NEDD4L: variants seen among roughly 807,000 people sequenced by gnomAD.
The protein encoded by NEDD4L is NEDD4 like E3 ubiquitin protein ligase.
A neutral mutation model predicts 148.9 loss-of-function variants in NEDD4L; 54 were observed. That is an observed-to-expected ratio of 0.36 (90% CI 0.29 to 0.45). The LOEUF is 0.45. NEDD4L is among the 20% of genes least tolerant of loss of function. NEDD4L has a pLI of 1.00. For missense variants in NEDD4L, 856 were observed against 1,233.8 expected (o/e 0.69, Z 4.59); for synonymous variants, 433 against 440.7 (o/e 0.98, Z 0.22).
intron 1 of NEDD4L, among the ~76,000 whole-genome samples, chr18:58,053,023 A>G (rs1326279077): frequency 6.6e-6 from 1 of 152,198 alleles, no homozygotes; most frequent in Non-Finnish European, 1.5e-5. Context: ...AAAGGCTTGT[A>G]AGGATGGTGG....
intron 2 of NEDD4L, among the ~76,000 whole-genome samples, chr18:58,197,242 G>A (rs773571595): frequency 6.6e-6 from 1 of 152,106 alleles, no homozygotes; most frequent in Non-Finnish European, 1.5e-5. Context: ...ATGGAAAATT[G>A]GCAAGACAAA....
chr18:58,252,666 A>G (rs11660748), intron 5 of NEDD4L, among the ~76,000 whole-genome samples: 15,360 of 152,236 alleles, frequency 0.1, 811 homozygotes, highest in East Asian at 0.2. Context: ...TGTATATATA[A>G]TATGTTTATG....
chr18:58,200,210 T>C (rs1188827091), intron 2 of NEDD4L, among the ~76,000 whole-genome samples: 1 of 152,256 alleles, frequency 6.6e-6, no homozygotes, highest in Non-Finnish European at 1.5e-5. Flanking sequence ...CAAACCATAT[T>C]ATGTGATTTT....
chr18:58,366,813 G>A lies in NEDD4L; in HGVS notation c.2063+585G>A, dbSNP rs1040829710. Reference sequence around the variant, plus strand: ...AGACTCTGAATCCTCCAAGGGTTGGGCAGTACCCAAGCCCCCAGTAGAATA... The same window carrying A: ...AGACTCTGAATCCTCCAAGGGTTGGACAGTACCCAAGCCCCCAGTAGAATA... On this transcript the variant is annotated intron_variant, in intron 21 of 30. Transcript: ENST00000400345. The surrounding 1 kb of genome is among the most constrained non-coding windows in gnomAD (Gnocchi z 4.2). Among the ~76,000 whole-genome samples, 2 of 152,214 alleles carry A rather than the reference G, an allele frequency of 1.3e-5. No individual in the cohort carries two copies. The highest frequency in any genetic ancestry group is 4.8e-5 in the African/African-American group (2 of 41,458).
intron 5 of NEDD4L, among the ~76,000 whole-genome samples, chr18:58,296,276 G>A (rs4941382): frequency 0.4 from 61,245 of 151,966 alleles, 12,644 homozygotes; most frequent in African/African-American, 0.49. Context: ...GGGACAAGGT[G>A]TCTATCACTC....
At chr18:58,268,087 C>T (rs776510724) in intron 5 of NEDD4L, among the ~76,000 whole-genome samples, 8 of 152,032 alleles carry the variant, frequency 5.3e-5, no homozygotes, top group South Asian at 2.1e-4. Flanking sequence ...ACTTTATTAA[C>T]GTGCATGCAG....
At position 58,390,510 on chromosome 18, in the gene NEDD4L, C is replaced by G. The variant is rs553888747; in HGVS notation, c.2656-136C>G. The G allele has an allele frequency of 5.7e-5, 34 of 593,422 alleles. No individual in the cohort carries two copies. In the African/African-American group the frequency reaches 6.0e-4, roughly 11 times the overall value. 36.8% of individuals were successfully genotyped at this position (593,422 alleles called of 1,614,324 possible). ...AGCTAGTATTGTGGCCATAAAAAAC[C>G]TACTCAGTTTTCAGAGTCAACTGTC... On this transcript the variant is annotated intron_variant, in intron 28 of 30. Coordinates refer to ENST00000400345, the MANE Select transcript of NEDD4L (RefSeq NM_001144967.3).
At chr18:58,289,246 C>T (rs1234868071) in intron 5 of NEDD4L, among the ~76,000 whole-genome samples, 1 of 152,150 alleles carries the variant, frequency 6.6e-6, no homozygotes, top group Non-Finnish European at 1.5e-5. Flanking sequence ...ACTGAACGCT[C>T]AGTTGCATCT....
intron 1 of NEDD4L, among the ~76,000 whole-genome samples, chr18:58,138,032 C>T (rs539043288): frequency 1.6e-3 from 239 of 152,282 alleles, no homozygotes; most frequent in African/African-American, 5.4e-3. Flanking sequence ...GGCAGGGCCC[C>T]GGGTCTGCCA....
intron 2 of NEDD4L, among the ~76,000 whole-genome samples, chr18:58,243,936 CT>C (rs1436757443): frequency 2.6e-5 from 4 of 152,156 alleles, no homozygotes; most frequent in Non-Finnish European, 5.9e-5. Context: ...TCAGATACAT[CT>C]TATGGGTAAT....
At chr18:58,321,792 A>G (rs1386001389) in intron 6 of NEDD4L, among the ~76,000 whole-genome samples, 1 of 152,244 alleles carries the variant, frequency 6.6e-6, no homozygotes, top group Non-Finnish European at 1.5e-5. Flanking sequence ...ACACTTATTT[A>G]TCCAATTTCC....
rs4149611 is a variant in NEDD4L at position 58,341,595 on chromosome 18, CGTT to C, written c.1258-76_1258-74del. 439,069 of 1,472,350 alleles carry C rather than the reference CGTT, an allele frequency of 0.3. 66,178 individuals carry two copies. The highest frequency in any genetic ancestry group is 0.42 in the Middle Eastern group (2,470 of 5,812). The allele number at this position is 1,472,350 out of a possible 1,614,324, so 91.2% of individuals were successfully genotyped here. A position where few individuals can be genotyped will look rare whatever the true frequency, so the allele number is the denominator to read the frequency against. The stretch of plus-strand genomic sequence containing the variant: ...CCAGACCTCTTATTATTGCTGTTTG[CGTT>C]GTTGTTTGGGTTCGCGCTCCTAATC... On this transcript the variant is annotated intron_variant, in intron 14 of 30. Coordinates refer to ENST00000400345, the MANE Select transcript of NEDD4L (RefSeq NM_001144967.3).
intron 16 of NEDD4L, among the ~76,000 whole-genome samples, chr18:58,346,722 A>G (rs900400846): frequency 3.3e-5 from 5 of 152,238 alleles, no homozygotes; most frequent in African/African-American, 1.2e-4. Context: ...AAGCAATTTT[A>G]TATTACACAT....
chr18:58,299,272 G>T (rs1432132711), intron 5 of NEDD4L, among the ~76,000 whole-genome samples: 9 of 152,250 alleles, frequency 5.9e-5, no homozygotes. Flanking sequence ...CTTTATCCAA[G>T]TGTCACCTCC....
chr18:58,225,168 C>G (rs966189244), intron 2 of NEDD4L, among the ~76,000 whole-genome samples: 1 of 152,136 alleles, frequency 6.6e-6, no homozygotes, highest in Non-Finnish European at 1.5e-5. Flanking sequence ...AGACAAGACA[C>G]AGTCAGGGCC....
chr18:58,235,245 G>T (rs1284298520), intron 2 of NEDD4L, among the ~76,000 whole-genome samples: 2 of 152,142 alleles, frequency 1.3e-5, no homozygotes, highest in Admixed American at 6.5e-5. Context: ...CATTGACCCT[G>T]TGAGGCCCAC....
intron 2 of NEDD4L, among the ~76,000 whole-genome samples, chr18:58,206,622 G>C (rs1056449260): frequency 6.6e-6 from 1 of 152,150 alleles, no homozygotes; most frequent in Non-Finnish European, 1.5e-5. Flanking sequence ...ACATGGTAAC[G>C]TATGCATAGA....
At chr18:58,234,121 CCTTCTTTTT>C (rs2045675178) in intron 2 of NEDD4L, among the ~76,000 whole-genome samples, 2 of 27,932 alleles carry the variant, frequency 7.2e-5, no homozygotes, top group African/African-American at 1.9e-4. Flanking sequence ...CTTTTCTTTT[CCTTCTTTTT>C]TTCTTTCTTT....
chr18:58,237,226 C>A (rs1477202968), intron 2 of NEDD4L, among the ~76,000 whole-genome samples: 1 of 152,062 alleles, frequency 6.6e-6, no homozygotes, highest in African/African-American at 2.4e-5. Context: ...TTCCCCGCCC[C>A]CCACTTTGGT....
Sources: gnomAD v4.1 joint callset for allele counts (sites outside exome capture counted in the v4.1 genomes callset) on GRCh38, gnomAD v4.1.1 for gene constraint, Gnocchi (gnomAD v3.1) non-coding constraint, MANE v1.5 for transcripts, NCBI Gene and HGNC (gene_info 2026-07-23, HGNC 2026-07-21) for gene names.